PBRM1: variants seen among roughly 807,000 people sequenced by gnomAD.
PBRM1 encodes the protein polybromo 1.
Under a neutral mutation model 194.5 loss-of-function variants are expected in PBRM1, and 27 were observed. The observed-to-expected ratio is 0.14, with a 90% CI of 0.10 to 0.19. PBRM1 has a LOEUF of 0.19. Ranked by LOEUF, PBRM1 falls within the 10% of genes least tolerant of loss-of-function variation. The pLI, the probability that PBRM1 is intolerant of heterozygous loss-of-function variation, is 1.00. For synonymous variants in PBRM1, 655 were observed against 693.2 expected (o/e 0.94, Z 0.87); for missense variants, 1,466 against 2,077.2 (o/e 0.71, Z 5.72).
upstream of PBRM1, chr3:52,681,768 G>A: frequency 9.9e-7 from 1 of 1,008,966 alleles, no homozygotes; most frequent in Non-Finnish European, 1.2e-6. Flanking sequence ...AGTGAAGCCA[G>A]TGGGAGAAGG....
chr3:52,675,121 A>G (rs1255154188), intron 2 of PBRM1, among the ~76,000 whole-genome samples: 1 of 152,216 alleles, frequency 6.6e-6, no homozygotes, highest in African/African-American at 2.4e-5. Context: ...AACAAATTAG[A>G]TAAACTAGAA....
At chr3:52,634,857 T>C in intron 10 of PBRM1, 42 bp from the exon 12 acceptor site, 1 of 1,349,226 alleles carries the variant, frequency 7.4e-7, no homozygotes, top group Non-Finnish European at 1.1e-6. Context: ...ACGAATGAGA[T>C]GAAGAAAGAA....
chr3:52,674,601 G>A (rs2097045487), intron 2 of PBRM1, among the ~76,000 whole-genome samples: 1 of 137,456 alleles, frequency 7.3e-6, no homozygotes, highest in Non-Finnish European at 1.5e-5. Context: ...ACCAGCCTGG[G>A]CAACACAGGG....
At chr3:52,672,727 C>T (rs554472589) in intron 2 of PBRM1, among the ~76,000 whole-genome samples, 5 of 152,168 alleles carry the variant, frequency 3.3e-5, no homozygotes, top group Admixed American at 2.0e-4. Flanking sequence ...CTCCTGCACT[C>T]AGGTGATCCA....
intron 6 of PBRM1, 151 bp downstream of exon 7, chr3:52,651,591 C>T (rs1288584887): frequency 2.4e-6 from 1 of 416,986 alleles, no homozygotes; most frequent in Non-Finnish European, 4.3e-6. Flanking sequence ...TCCAAAGCTA[C>T]AATCAGTAAC....
chr3:52,591,523 T>TG (rs1560146717), intron 17 of PBRM1, among the ~76,000 whole-genome samples: 2 of 138,264 alleles, frequency 1.4e-5, no homozygotes, highest in African/African-American at 5.5e-5. Flanking sequence ...TTTTTTTTTT[T>TG]TTTTTTTTTT....
chr3:52,603,853 A>G (rs1040080481), intron 16 of PBRM1, 121 bp from the exon 19 acceptor site: 11 of 864,922 alleles, frequency 1.3e-5, no homozygotes. Context: ...GTACAGGTCT[A>G]TGAAGAGTAT....
chr3:52,615,462 T>A lies in PBRM1; in HGVS notation c.1819-6A>T. Reference sequence around the variant, plus strand: ...ATATGTGCATCATTATAAACCTACATTCCAAAAATATACTTCAATTATTTT... The same window carrying A: ...ATATGTGCATCATTATAAACCTACAATCCAAAAATATACTTCAATTATTTT... On this transcript the variant is annotated splice_polypyrimidine_tract_variant and splice_region_variant and intron_variant, in intron 14 of 29. Coordinates refer to ENST00000296302, the Ensembl canonical transcript of PBRM1. 6.7e-7 allele frequency: 1 copy of A among 1,486,846 alleles called. No homozygotes were observed. Among genetic ancestry groups the A allele is most frequent in the Non-Finnish European group, 9.4e-7 (1 of 1,065,274 alleles). 92.1% of individuals were successfully genotyped at this position (1,486,846 alleles called of 1,614,324 possible). A position where few individuals can be genotyped will look rare whatever the true frequency, so the allele number is the denominator to read the frequency against.
chr3:52,674,906 T>C (rs2097061682), intron 2 of PBRM1, among the ~76,000 whole-genome samples: 1 of 150,804 alleles, frequency 6.6e-6, no homozygotes. Context: ...AGGTTGAGTC[T>C]GCACTGAACT....
At position 52,617,548 on chromosome 3, in the gene PBRM1, G is replaced by C; in HGVS notation, c.1542-10C>G. 1.3e-6 allele frequency: 2 copies of C among 1,585,676 alleles called. No individual in the cohort carries two copies. Among genetic ancestry groups the C allele is most frequent in the Non-Finnish European group, 1.7e-6 (2 of 1,172,194 alleles). On this transcript the variant is annotated splice_polypyrimidine_tract_variant and intron_variant, in intron 13 of 29. Coordinates refer to ENST00000296302, the Ensembl canonical transcript of PBRM1. The stretch of plus-strand genomic sequence containing the variant: ...TCTTATGTTCTTTTTACTGTTGAGG[G>C]GGAGGTAGAAAAGGGGAAAAATTAG...
chr3:52,606,078 C>T (rs2094335051), intron 16 of PBRM1, among the ~76,000 whole-genome samples: 1 of 152,086 alleles, frequency 6.6e-6, no homozygotes, highest in African/African-American at 2.4e-5. Context: ...TGGCTCACTA[C>T]AGTCTCAATC....
chr3:52,596,281 T>C (rs918562034), intron 17 of PBRM1, among the ~76,000 whole-genome samples: 1 of 150,662 alleles, frequency 6.6e-6, no homozygotes, highest in African/African-American at 2.4e-5. Context: ...CTACTAAAAA[T>C]ATAAAAATTA....
intron 22 of PBRM1, among the ~76,000 whole-genome samples, chr3:52,576,213 A>G (rs765613424): frequency 2.1e-4 from 32 of 152,172 alleles, no homozygotes; most frequent in Non-Finnish European, 3.5e-4. Context: ...AAAGACATGA[A>G]CAAAAAAAAC....
intron 22 of PBRM1, among the ~76,000 whole-genome samples, chr3:52,575,784 G>C (rs527277054): frequency 2.0e-5 from 3 of 151,418 alleles, no homozygotes; most frequent in Admixed American, 1.3e-4. Flanking sequence ...AAAGTGCTGG[G>C]ATTACAGGCA....
intron 15 of PBRM1, among the ~76,000 whole-genome samples, chr3:52,610,393 AAC>A (rs1218966875): frequency 2.6e-5 from 4 of 152,350 alleles, no homozygotes; most frequent in African/African-American, 9.6e-5. Flanking sequence ...CATACAAACA[AAC>A]ACACAAATTT....
chr3:52,579,452 T>C (rs1360628561), intron 20 of PBRM1, among the ~76,000 whole-genome samples: 1 of 151,926 alleles, frequency 6.6e-6, no homozygotes, highest in African/African-American at 2.4e-5. Flanking sequence ...AAAAAATTAG[T>C]TGGGCATGGT....
At chr3:52,673,386 C>T (rs902785572) in intron 2 of PBRM1, among the ~76,000 whole-genome samples, 1 of 151,486 alleles carries the variant, frequency 6.6e-6, no homozygotes, top group African/African-American at 2.4e-5. Context: ...GCTTCACTCT[C>T]GGCCAGGTGC....
chr3:52,668,772 T>A, intron 2 of PBRM1, 127 bp from the exon 4 acceptor site: 1 of 376,300 alleles, frequency 2.7e-6, no homozygotes, highest in Non-Finnish European at 4.4e-6. Flanking sequence ...TCATGGACTT[T>A]GAAGCTTACT....
In PBRM1 at chr3:52,643,239, T is replaced by C. The variant is rs1560693256; in HGVS notation, c.995+9A>G. ...GGTCAACTCTCAGACTAAACACTCT[T>C]TTTCTCACCGGTAATACTTGCTAGT... On this transcript the variant is annotated intron_variant, in intron 9 of 29. Coordinates refer to ENST00000296302, the Ensembl canonical transcript of PBRM1. 1.9e-6 allele frequency: 3 copies of C among 1,592,544 alleles called. No individual in the cohort carries two copies. Among genetic ancestry groups the C allele is most frequent in the East Asian group, 2.2e-5 (1 of 44,782 alleles).
Sources: gnomAD v4.1 joint callset for allele counts (sites outside exome capture counted in the v4.1 genomes callset) on GRCh38, gnomAD v4.1.1 for gene constraint, MANE v1.5 for transcripts, NCBI Gene and HGNC (gene_info 2026-07-23, HGNC 2026-07-21) for gene names.